The following LIMCH1 variants were observed in gnomAD, a reference collection of about 807,000 sequenced individuals.
The protein encoded by LIMCH1 is LIM and calponin homology domains 1.
Under a neutral mutation model 176.5 loss-of-function variants are expected in LIMCH1, and 113 were observed. The observed-to-expected ratio is 0.64, with a 90% CI of 0.55 to 0.75. LIMCH1 has a LOEUF of 0.75. Among genes scored for constraint, LIMCH1 ranks in the 30% least tolerant of loss-of-function variants. The probability of loss-of-function intolerance (pLI) is 0.00; values close to 1 mark genes in which losing one functional copy is unlikely to be tolerated. For missense variants in LIMCH1, 1,674 were observed against 1,814.9 expected, an observed-to-expected ratio of 0.92 and a Z score of 1.41; for synonymous variants, 619 against 645.9, an observed-to-expected ratio of 0.96 and a Z score of 0.63.
At chr4:41,657,514 G>A (rs1159651982) in intron 18 of LIMCH1, among the ~76,000 whole-genome samples, 2 of 152,122 alleles carry the variant, frequency 1.3e-5, no homozygotes, top group Admixed American at 6.5e-5. Flanking sequence ...AGAAAACATC[G>A]ACTACCTATT....
At chr4:41,626,166 G>A (rs1314690004) in intron 7 of LIMCH1, among the ~76,000 whole-genome samples, 3 of 152,176 alleles carry the variant, frequency 2.0e-5, no homozygotes, top group African/African-American at 7.2e-5. Flanking sequence ...ATGAGTGGTC[G>A]TAAACTATCC....
intron 2 of LIMCH1, among the ~76,000 whole-genome samples, chr4:41,507,061 T>G (rs547332361): frequency 2.0e-5 from 3 of 152,298 alleles, no homozygotes; most frequent in South Asian, 4.1e-4. Context: ...CTCACAGAAC[T>G]CCGGGGTACA....
chr4:41,360,675 C>T, upstream of LIMCH1: 1 of 340,124 alleles, frequency 2.9e-6, no homozygotes, highest in Non-Finnish European at 5.2e-6. The surrounding 1 kb of genome is among the most constrained non-coding windows in gnomAD (Gnocchi z 4.5). Context: ...GCTGCCGCGG[C>T]GTCCTCTAGC....
At chr4:41,562,354 A>T (rs1484842426) in intron 1 of LIMCH1, among the ~76,000 whole-genome samples, 1 of 152,104 alleles carries the variant, frequency 6.6e-6, no homozygotes, top group African/African-American at 2.4e-5. Context: ...GTGGTATTTT[A>T]ACTTTCCCTT....
chr4:41,560,529 C>T (rs1054705787), intron 1 of LIMCH1, among the ~76,000 whole-genome samples: 7 of 152,178 alleles, frequency 4.6e-5, no homozygotes, highest in Non-Finnish European at 2.9e-5. Flanking sequence ...AATGTGCTTG[C>T]TTCTCTCTAA....
Position 41,391,999 on chromosome 4 carries a change from A to T in LIMCH1, c.96+31063A>T, listed in dbSNP as rs113413167. Among the ~76,000 whole-genome samples, 24 of 152,076 alleles carry T rather than the reference A, an allele frequency of 1.6e-4. No homozygotes were observed. The South Asian group carries it at 4.4e-3, about 28-fold the overall frequency. On this transcript the variant is annotated intron_variant, in intron 1 of 26. Coordinates refer to the LIMCH1 transcript ENST00000313860. ...TTAAATCTAAAGTTATTCCAAAATA[A>T]TTTTTTTAAACTACTCCTGAAATTC...
At chr4:41,653,582 C>G (rs1266746510) in intron 18 of LIMCH1, among the ~76,000 whole-genome samples, 1 of 152,218 alleles carries the variant, frequency 6.6e-6, no homozygotes, top group Non-Finnish European at 1.5e-5. Context: ...CTTCACCCAC[C>G]ACTAAAATGT....
chr4:41,599,092 A>T (rs1173575479), intron 2 of LIMCH1, 66 bp downstream of exon 2: 2 of 938,720 alleles, frequency 2.1e-6, no homozygotes, highest in Non-Finnish European at 3.5e-6. Context: ...TTTTGTGATG[A>T]TGTTGTAAGT....
Position 41,360,997 on chromosome 4 carries a change from C to A in LIMCH1, c.96+61C>A. Reference sequence around the variant, plus strand: ...GCGCCCTGAGCCACGGACCCGCGCACGCTCCGACCGCAGGTCCAGCCTTGC... The same window carrying A: ...GCGCCCTGAGCCACGGACCCGCGCAAGCTCCGACCGCAGGTCCAGCCTTGC... On this transcript the variant is annotated intron_variant, in intron 1 of 26. Transcript: ENST00000313860. The surrounding 1 kb of genome is among the most constrained non-coding windows in gnomAD (Gnocchi z 4.5). 1 of 1,262,260 alleles carries A rather than the reference C, an allele frequency of 7.9e-7. No individual in the cohort carries two copies. The highest frequency in any genetic ancestry group is 1.1e-6 in the Non-Finnish European group (1 of 921,998). 78.2% of individuals were successfully genotyped at this position (1,262,260 alleles called of 1,614,324 possible).
chr4:41,661,501 G>A lies in LIMCH1; in HGVS notation c.3118G>A (p.Ala1040Thr), dbSNP rs57547885. 34 of 1,606,066 alleles carry A rather than the reference G, an allele frequency of 2.1e-5. No homozygotes were observed. The highest frequency in any genetic ancestry group is 3.3e-4 in the Middle Eastern group (2 of 6,048). The change falls in exon 19 of 32, where the codon GCC becomes ACC. Residue 1040 changes from alanine to threonine, a missense_variant. Coordinates refer to ENST00000503057, the MANE Select transcript of LIMCH1 (RefSeq NM_001330672.2). The stretch of plus-strand genomic sequence containing the variant: ...ATCAAGAAAAGGGAATATAGAACTT[G>A]CCTCATCAGGTTTGTTTCATAAGAG... Reference protein sequence around the residue: ...GKSRKGNIELASSEPQHFTTT... With the variant: ...GKSRKGNIELTSSEPQHFTTT...
chr4:41,411,717 T>C (rs1206586734), intron 1 of LIMCH1, among the ~76,000 whole-genome samples: 1 of 151,100 alleles, frequency 6.6e-6, no homozygotes, highest in African/African-American at 2.4e-5. Flanking sequence ...TACCAGCACT[T>C]TAGGAGGCCG....
rs555406296 is a variant in LIMCH1 at position 41,698,647 on chromosome 4, T to G, written c.*1462T>G. 6.6e-6 allele frequency: 1 copy of G among 152,592 alleles called. No homozygotes were observed. The highest frequency in any genetic ancestry group is 1.5e-5 in the Non-Finnish European group (1 of 68,022). The allele number at this position is 152,592 out of a possible 1,614,324, so 9.5% of individuals were successfully genotyped here. A position where few individuals can be genotyped will look rare whatever the true frequency, so the allele number is the denominator to read the frequency against. Reference sequence around the variant, plus strand: ...GTCATAAAAGGGGGTCAAGTAGATGTTTTTCTGTTATGTAAGCAATAATTT... The same window carrying G: ...GTCATAAAAGGGGGTCAAGTAGATGGTTTTCTGTTATGTAAGCAATAATTT... On this transcript the variant is annotated 3_prime_UTR_variant, in exon 32 of 32. Coordinates refer to ENST00000503057, the MANE Select transcript of LIMCH1 (RefSeq NM_001330672.2).
chr4:41,415,840 G>T (rs2059879615), intron 1 of LIMCH1, among the ~76,000 whole-genome samples: 1 of 152,116 alleles, frequency 6.6e-6, no homozygotes, highest in African/African-American at 2.4e-5. Context: ...AGCTGGGCAT[G>T]GTGGCACGCG....
intron 1 of LIMCH1, chr4:41,453,688 T>C (rs2064173736): frequency 1.3e-5 from 2 of 152,264 alleles, no homozygotes; most frequent in Non-Finnish European, 2.9e-5. Context: ...CAACTGCATG[T>C]ATGTATTGAT....
intron 1 of LIMCH1, among the ~76,000 whole-genome samples, chr4:41,430,412 T>C (rs10009794): frequency 0.13 from 19,876 of 152,140 alleles, 1,513 homozygotes; most frequent in Admixed American, 0.21. Flanking sequence ...TACAGGCACG[T>C]GCCACTACGC....
chr4:41,502,896 A>G (rs182463503), intron 2 of LIMCH1, among the ~76,000 whole-genome samples: 1 of 144,856 alleles, frequency 6.9e-6, no homozygotes, highest in South Asian at 2.2e-4. Flanking sequence ...GTGAATAAGC[A>G]CGGAGGTAAA....
intron 9 of LIMCH1, among the ~76,000 whole-genome samples, chr4:41,630,197 C>T (rs1026886203): frequency 1.3e-5 from 2 of 152,136 alleles, no homozygotes; most frequent in Non-Finnish European, 2.9e-5. Context: ...GCTCCTGGGG[C>T]TCAAGTGATC....
chr4:41,597,455 A>T (rs1011013052), intron 1 of LIMCH1, among the ~76,000 whole-genome samples: 1 of 152,138 alleles, frequency 6.6e-6, no homozygotes, highest in Non-Finnish European at 1.5e-5. Flanking sequence ...TAATTTTTTT[A>T]TTACTGCATA....
intron 2 of LIMCH1, among the ~76,000 whole-genome samples, chr4:41,502,937 A>ACACC (rs2073577605): frequency 1.3e-5 from 2 of 150,784 alleles, no homozygotes; most frequent in South Asian, 2.1e-4. Flanking sequence ...ACACACACAC[A>ACACC]CCCCAGGTAC....
Sources: gnomAD v4.1 joint callset for allele counts (sites outside exome capture counted in the v4.1 genomes callset) on GRCh38, gnomAD v4.1.1 for gene constraint, Gnocchi (gnomAD v3.1) non-coding constraint, MANE v1.5 for transcripts, NCBI Gene and HGNC (gene_info 2026-07-23, HGNC 2026-07-21) for gene names.